GRIN2B: variants seen among roughly 807,000 people sequenced by gnomAD.
GRIN2B encodes glutamate ionotropic receptor NMDA type subunit 2B.
In GRIN2B, 5 loss-of-function variants were observed where a neutral mutation model predicts 114.5. The observed-to-expected ratio is 0.04, with a 90% CI of 0.02 to 0.09. The LOEUF (loss-of-function observed/expected upper bound fraction) is 0.09. Among genes scored for constraint, GRIN2B ranks in the 10% least tolerant of loss-of-function variants. GRIN2B has a pLI of 1.00. For synonymous variants in GRIN2B, 787 were observed against 745.1 expected, an observed-to-expected ratio of 1.06 and a Z score of -0.92; for missense variants, 1,108 against 1,943.5, an observed-to-expected ratio of 0.57 and a Z score of 8.08.
chr12:13,578,950 G>T (rs940224405), intron 10 of GRIN2B, among the ~76,000 whole-genome samples: 3 of 152,134 alleles, frequency 2.0e-5, no homozygotes, highest in African/African-American at 7.2e-5. Context: ...GGGGGAACAA[G>T]CTTGGTGTGA....
At chr12:13,849,455 G>A (rs1441371527) in intron 3 of GRIN2B, among the ~76,000 whole-genome samples, 2 of 151,862 alleles carry the variant, frequency 1.3e-5, no homozygotes, top group Admixed American at 6.6e-5. Context: ...TCTCTTCCTG[G>A]GCTCTGACTC....
chr12:13,842,903 G>A (rs1865401522), intron 3 of GRIN2B, among the ~76,000 whole-genome samples: 1 of 138,920 alleles, frequency 7.2e-6, no homozygotes, highest in African/African-American at 2.7e-5. Context: ...GGAATGTTGT[G>A]AAGATTGGTT....
chr12:13,887,447 A>G (rs567004397), intron 2 of GRIN2B, among the ~76,000 whole-genome samples: 4 of 152,222 alleles, frequency 2.6e-5, no homozygotes, highest in Admixed American at 2.0e-4. Context: ...CAAAACTGAA[A>G]AAAACCCAAA....
intron 2 of GRIN2B, among the ~76,000 whole-genome samples, chr12:13,893,388 G>A (rs1477091109): frequency 6.6e-6 from 1 of 152,012 alleles, no homozygotes; most frequent in Admixed American, 6.6e-5. Context: ...TCCAAAAAAG[G>A]TTTTAATAAA....
chr12:13,698,713 C>T (rs1950283735), intron 4 of GRIN2B, among the ~76,000 whole-genome samples: 1 of 152,284 alleles, frequency 6.6e-6, no homozygotes, highest in East Asian at 1.9e-4. Flanking sequence ...GACAGAGTTT[C>T]TCTCTGTCAC....
intron 4 of GRIN2B, among the ~76,000 whole-genome samples, chr12:13,694,317 A>G (rs1950239648): frequency 6.6e-6 from 1 of 152,130 alleles, no homozygotes; most frequent in Non-Finnish European, 1.5e-5. Flanking sequence ...ATAAAAAATG[A>G]AATTAACCAG....
chr12:13,572,314 A>T (rs540878638), intron 10 of GRIN2B, among the ~76,000 whole-genome samples: 1 of 152,292 alleles, frequency 6.6e-6, no homozygotes, highest in Admixed American at 6.5e-5. Flanking sequence ...GCAGTGGGCT[A>T]GTCACCTTTC....
intron 10 of GRIN2B, among the ~76,000 whole-genome samples, chr12:13,604,726 T>TGTAA (rs1441795002): frequency 6.6e-6 from 1 of 152,240 alleles, no homozygotes; most frequent in East Asian, 1.9e-4. Flanking sequence ...GGTGTTAGAC[T>TGTAA]GTAAGTAAGT....
intron 10 of GRIN2B, among the ~76,000 whole-genome samples, chr12:13,582,151 C>T (rs905823571): frequency 1.3e-5 from 2 of 152,142 alleles, no homozygotes; most frequent in South Asian, 2.1e-4. Flanking sequence ...CAAGACCCTA[C>T]CCCTAAAACA....
At chr12:13,596,067 C>G (rs1489967091) in intron 10 of GRIN2B, among the ~76,000 whole-genome samples, 1 of 151,746 alleles carries the variant, frequency 6.6e-6, no homozygotes, top group Non-Finnish European at 1.5e-5. Flanking sequence ...GGTTCCTGAA[C>G]CCCAGAGGTC....
At chr12:13,952,752 A>G (rs1042074238) in intron 2 of GRIN2B, among the ~76,000 whole-genome samples, 3 of 152,004 alleles carry the variant, frequency 2.0e-5, no homozygotes, top group Admixed American at 6.6e-5. Context: ...TTCTATTTAT[A>G]TTTATTTTTA....
chr12:13,622,677 G>T (rs1039631276), intron 5 of GRIN2B, among the ~76,000 whole-genome samples: 1 of 152,010 alleles, frequency 6.6e-6, no homozygotes. Flanking sequence ...GCTGGCATCT[G>T]GCAAGGGCCT....
intron 3 of GRIN2B, among the ~76,000 whole-genome samples, chr12:13,759,264 C>T (rs569115519): frequency 1.4e-3 from 214 of 152,128 alleles, no homozygotes; most frequent in Non-Finnish European, 2.4e-3. Flanking sequence ...CCACCTCAGC[C>T]TCCCAAAGTG....
intron 5 of GRIN2B, among the ~76,000 whole-genome samples, chr12:13,632,341 A>G (rs1040415668): frequency 6.6e-6 from 1 of 152,250 alleles, no homozygotes; most frequent in African/African-American, 2.4e-5. Flanking sequence ...TAGAAAGTAC[A>G]TGTCAATCTG....
chr12:13,956,585 C>T (rs968314086), intron 2 of GRIN2B, among the ~76,000 whole-genome samples: 9 of 152,112 alleles, frequency 5.9e-5, no homozygotes, highest in Admixed American at 3.9e-4. Context: ...CTGTTCGTTC[C>T]GTATGGACTC....
chr12:13,819,734 A>G (rs940300637), intron 3 of GRIN2B, among the ~76,000 whole-genome samples: 1 of 152,214 alleles, frequency 6.6e-6, no homozygotes, highest in South Asian at 2.1e-4. Flanking sequence ...TGCCAAATGA[A>G]TTCACATTAG....
At chr12:13,955,232 C>A (rs941803316) in intron 2 of GRIN2B, among the ~76,000 whole-genome samples, 3 of 152,144 alleles carry the variant, frequency 2.0e-5, no homozygotes, top group Admixed American at 1.3e-4. Flanking sequence ...AAATGGGTTA[C>A]ATATTTATTT....
intron 5 of GRIN2B, among the ~76,000 whole-genome samples, chr12:13,654,347 GT>G (rs1949843669): frequency 1.3e-5 from 2 of 152,176 alleles, no homozygotes. Context: ...ATGTGTGCAT[GT>G]TGAGAAGTGG....
intron 5 of GRIN2B, among the ~76,000 whole-genome samples, chr12:13,620,440 A>G (rs1949499631): frequency 6.6e-6 from 1 of 152,128 alleles, no homozygotes; most frequent in African/African-American, 2.4e-5. Flanking sequence ...GAAGTTGGCA[A>G]ACACTATCAA....
Sources: allele counts gnomAD v4.1 joint callset (sites outside exome capture counted in the v4.1 genomes callset), GRCh38; gene constraint gnomAD v4.1.1; transcripts MANE v1.5; gene names NCBI Gene and HGNC (gene_info 2026-07-23, HGNC 2026-07-21).